KANK1: variants seen among roughly 807,000 people sequenced by gnomAD.
The protein encoded by KANK1 is KN motif and ankyrin repeat domain-containing protein 1.
A neutral mutation model predicts 106.2 loss-of-function variants in KANK1; 109 were observed. That is an observed-to-expected ratio of 1.03 (90% CI 0.88 to 1.20). The LOEUF (loss-of-function observed/expected upper bound fraction) is 1.20, where lower values mean the gene tolerates loss of function less well. Among genes scored for constraint, KANK1 ranks in the 50% most tolerant of loss-of-function variants. The pLI is 0.00. For synonymous variants in KANK1, 873 were observed against 652.2 expected (o/e 1.34, Z -5.16); for missense variants, 2,399 against 1,710.7 (o/e 1.40, Z -7.10).
chr9:734,251 C>G (rs1026231225), intron 6 of KANK1: 8 of 154,916 alleles, frequency 5.2e-5, no homozygotes, highest in Non-Finnish European at 1.0e-4. Flanking sequence ...GAGGTGTTGG[C>G]TCTGCACAGT....
chr9:605,924 G>A (rs1378385326), intron 1 of KANK1, among the ~76,000 whole-genome samples: 1 of 151,668 alleles, frequency 6.6e-6, no homozygotes, highest in African/African-American at 2.4e-5. Flanking sequence ...GGAAGGCCGG[G>A]TCTGTGTTGT....
chr9:610,995 T>C (rs1341996056), intron 1 of KANK1, among the ~76,000 whole-genome samples: 1 of 152,206 alleles, frequency 6.6e-6, no homozygotes, highest in Non-Finnish European at 1.5e-5. Context: ...TTGAATTCTT[T>C]GTCTCTGACA....
intron 7 of KANK1, among the ~76,000 whole-genome samples, chr9:735,129 C>T (rs1014722339): frequency 2.0e-5 from 3 of 152,130 alleles, no homozygotes; most frequent in Admixed American, 6.5e-5. Flanking sequence ...TGCAGTCAGT[C>T]GTCATCTTTC....
At chr9:738,826 G>A (rs1834527310) in intron 8 of KANK1, among the ~76,000 whole-genome samples, 1 of 152,190 alleles carries the variant, frequency 6.6e-6, no homozygotes. Context: ...GCTGAATCAT[G>A]CGGGCTTGGC....
At chr9:622,211 T>C (rs559701288) in intron 1 of KANK1, among the ~76,000 whole-genome samples, 1 of 152,284 alleles carries the variant, frequency 6.6e-6, no homozygotes, top group Admixed American at 6.5e-5. Flanking sequence ...ACTTCTACTT[T>C]TAGTATCCAT....
chr9:564,062 CTT>C (rs34396017), intron 1 of KANK1, among the ~76,000 whole-genome samples: 21 of 140,138 alleles, frequency 1.5e-4, no homozygotes, highest in African/African-American at 1.3e-4. Flanking sequence ...CACTTTCTTT[CTT>C]TTTTTTTTTT....
intron 1 of KANK1, among the ~76,000 whole-genome samples, chr9:667,442 C>G (rs374746955): frequency 1.5e-4 from 22 of 151,704 alleles, no homozygotes; most frequent in Non-Finnish European, 3.2e-4. Context: ...TTCCTTTCTC[C>G]TAGTAAATTT....
intron 2 of KANK1, among the ~76,000 whole-genome samples, chr9:682,399 G>C (rs9408675): frequency 0.39 from 58,582 of 151,944 alleles, 12,402 homozygotes; most frequent in East Asian, 0.87. Context: ...TATTTTTCAT[G>C]CTTTTCAGGC....
intron 1 of KANK1, among the ~76,000 whole-genome samples, chr9:594,874 C>G (rs947713839): frequency 6.6e-6 from 1 of 151,700 alleles, no homozygotes; most frequent in African/African-American, 2.4e-5. Flanking sequence ...TAAAACAAAT[C>G]CTTTTGATTC....
At position 745,351 on chromosome 9, in the gene KANK1, C is replaced by T. The variant is rs1836920480; in HGVS notation, c.*116C>T. 5 of 1,332,232 alleles carry T rather than the reference C, an allele frequency of 3.8e-6. No individual in the cohort carries two copies. Among genetic ancestry groups the T allele is most frequent in the Non-Finnish European group, 5.3e-6 (5 of 935,140 alleles). The allele number at this position is 1,332,232 out of a possible 1,614,324, so 82.5% of individuals were successfully genotyped here. A position where few individuals can be genotyped will look rare whatever the true frequency, so the allele number is the denominator to read the frequency against. ...GCCTGAGCTCACCAGCAAACAGAAGCATCAAGCCCAGGGGTAAAGGCTGAA... is the reference window on the plus strand; with the variant it reads ...GCCTGAGCTCACCAGCAAACAGAAGTATCAAGCCCAGGGGTAAAGGCTGAA... On this transcript the variant is annotated 3_prime_UTR_variant, in exon 12 of 12. Transcript: ENST00000382297.
At chr9:636,425 C>G (rs1353012987) in intron 1 of KANK1, among the ~76,000 whole-genome samples, 2 of 152,092 alleles carry the variant, frequency 1.3e-5, no homozygotes, top group African/African-American at 4.8e-5. Flanking sequence ...TTTTTCCTGC[C>G]TGGATTGTAA....
At chr9:650,065 C>T (rs1421342420) in intron 1 of KANK1, among the ~76,000 whole-genome samples, 1 of 152,102 alleles carries the variant, frequency 6.6e-6, no homozygotes, top group Non-Finnish European at 1.5e-5. Context: ...TAAAACTGTC[C>T]CTACTGCCAG....
rs1410733405 is a variant in KANK1, at chr9:670,953, T to G, written c.-83-5937T>G. Among the ~76,000 whole-genome samples the G allele has an allele frequency of 7.0e-4, 35 of 49,978 alleles. No individual in the cohort carries two copies. In the Admixed American group the frequency reaches 7.6e-3, roughly 11 times the overall value. The allele number at this position is 49,978 out of a possible 152,430, so 32.8% of individuals were successfully genotyped here. ...ATTCTCTTACTGTCTGCTGGAGTTT[T>G]TTTTTTTTTTTTTTTTTTTTTTTTT... On this transcript the variant is annotated intron_variant, in intron 1 of 11. Coordinates refer to ENST00000382297, the MANE Select transcript of KANK1 (RefSeq NM_015158.5).
intron 11 of KANK1, 138 bp downstream of exon 11, chr9:744,727 C>T: frequency 1.3e-6 from 2 of 1,549,234 alleles, no homozygotes; most frequent in East Asian, 2.4e-5. Flanking sequence ...CTTAAGAGTT[C>T]ATCCTTTCCG....
chr9:604,692 G>A (rs1356354691), intron 1 of KANK1, among the ~76,000 whole-genome samples: 5 of 151,668 alleles, frequency 3.3e-5, no homozygotes, highest in East Asian at 1.9e-4. Context: ...TTAGCCGGGC[G>A]GGTGGCGCAC....
intron 1 of KANK1, among the ~76,000 whole-genome samples, chr9:583,064 A>G (rs1822568449): frequency 6.6e-6 from 1 of 152,190 alleles, no homozygotes; most frequent in African/African-American, 2.4e-5. Flanking sequence ...TACTAGAGAA[A>G]CTTAAAAGAC....
chr9:538,333 G>GT (rs1422496645), intron 1 of KANK1, among the ~76,000 whole-genome samples: 1 of 152,078 alleles, frequency 6.6e-6, no homozygotes, highest in East Asian at 1.9e-4. Flanking sequence ...TCAGGGCCCT[G>GT]TTTTTTTGTA....
At chr9:687,796 T>TA (rs1224971479) in intron 2 of KANK1, among the ~76,000 whole-genome samples, 2 of 152,236 alleles carry the variant, frequency 1.3e-5, no homozygotes, top group Non-Finnish European at 2.9e-5. Context: ...ATTATTCTAT[T>TA]ATTATTTCTA....
At position 527,596 on chromosome 9, in the gene KANK1, C is replaced by T. The variant is rs887538830; in HGVS notation, c.-84+22842C>T. Among the ~76,000 whole-genome samples, 9 of 151,772 alleles carry T rather than the reference C, an allele frequency of 5.9e-5. No individual in the cohort carries two copies. The South Asian group carries it at 6.2e-4, about 10-fold the overall frequency. On this transcript the variant is annotated intron_variant, in intron 1 of 11. Transcript: ENST00000382297. ...AATTACAGGTGTAAGCCACTACACT[C>T]GGCTGCTCTCTGGTCTTGGTAGAGA...
Sources: allele counts gnomAD v4.1 joint callset (sites outside exome capture counted in the v4.1 genomes callset), GRCh38; gene constraint gnomAD v4.1.1; transcripts MANE v1.5; gene names NCBI Gene and HGNC (gene_info 2026-07-23, HGNC 2026-07-21).